PIBF1: variants seen among roughly 807,000 people sequenced by gnomAD.
The protein encoded by PIBF1 is progesterone immunomodulatory binding factor 1, also known as progesterone-induced-blocking factor 1.
A neutral mutation model predicts 112.5 loss-of-function variants in PIBF1; 90 were observed. The observed-to-expected ratio is 0.80, with a 90% CI of 0.67 to 0.95. The LOEUF is 0.95. PIBF1 is among the 40% of genes least tolerant of loss of function. The pLI, the probability that PIBF1 is intolerant of heterozygous loss-of-function variation, is 0.00. For synonymous variants in PIBF1, 301 were observed against 288.6 expected (o/e 1.04, Z -0.44); for missense variants, 915 against 852.3 (o/e 1.07, Z -0.92).
intron 10 of PIBF1, among the ~76,000 whole-genome samples, chr13:72,887,039 C>CTT (rs747807659): frequency 3.8e-5 from 5 of 130,750 alleles, no homozygotes; most frequent in East Asian, 4.5e-4. Flanking sequence ...TATAGTTTTT[C>CTT]TTTTTTTTTT....
chr13:72,905,658 T>C (rs1220549248), intron 11 of PIBF1, among the ~76,000 whole-genome samples: 2 of 152,154 alleles, frequency 1.3e-5, no homozygotes, highest in Admixed American at 1.3e-4. Flanking sequence ...CAGGTGATTC[T>C]CCCACACATC....
At chr13:72,923,187 C>G (rs921549142) in intron 13 of PIBF1, among the ~76,000 whole-genome samples, 1 of 152,162 alleles carries the variant, frequency 6.6e-6, no homozygotes. Context: ...CAGAACAGAG[C>G]GTCAATCCTC....
chr13:72,918,028 C>A (rs2041160851), intron 13 of PIBF1, among the ~76,000 whole-genome samples: 2 of 152,128 alleles, frequency 1.3e-5, no homozygotes, highest in African/African-American at 4.8e-5. Context: ...GAAAATTATA[C>A]CTACATTAAT....
At chr13:72,864,461 A>G (rs547333648) in intron 10 of PIBF1, among the ~76,000 whole-genome samples, 5 of 152,196 alleles carry the variant, frequency 3.3e-5, no homozygotes, top group African/African-American at 9.6e-5. Context: ...ATTTTTTAGG[A>G]TGTTTCTTAG....
At chr13:72,947,427 G>A (rs912175005) in intron 14 of PIBF1, among the ~76,000 whole-genome samples, 2 of 152,210 alleles carry the variant, frequency 1.3e-5, no homozygotes, top group Admixed American at 1.3e-4. Context: ...GGGCTGCTGT[G>A]AAGGTCTCTG....
At chr13:72,901,587 A>AG (rs1180847673) in intron 11 of PIBF1, among the ~76,000 whole-genome samples, 2 of 152,074 alleles carry the variant, frequency 1.3e-5, no homozygotes, top group African/African-American at 2.4e-5. Flanking sequence ...CGAGAGACTG[A>AG]GGCAGGAGAA....
At chr13:72,846,244 A>G (rs1302051089) in intron 9 of PIBF1, among the ~76,000 whole-genome samples, 1 of 152,130 alleles carries the variant, frequency 6.6e-6, no homozygotes, top group Non-Finnish European at 1.5e-5. Context: ...AGACAACTCT[A>G]TTCTTCCACT....
intron 10 of PIBF1, among the ~76,000 whole-genome samples, chr13:72,872,315 A>G (rs1473496427): frequency 6.6e-6 from 1 of 152,196 alleles, no homozygotes; most frequent in Non-Finnish European, 1.5e-5. Flanking sequence ...GATGATAGTG[A>G]TTTCATTATC....
At position 72,854,762 on chromosome 13, in the gene PIBF1, T is replaced by C. The variant is rs149405283; in HGVS notation, c.1322+607T>C. 8.5e-3 allele frequency among the ~76,000 whole-genome samples: 1,288 copies of C among 152,186 alleles called. 66 individuals are homozygous for C. The highest frequency in any genetic ancestry group is 9.6e-3 in the East Asian group (50 of 5,190). Reference sequence around the variant, plus strand: ...CATTGGGTAGATAAATGTTTTACTTTTAAAAAACCTGCCAATGGTAACACC... The same window carrying C: ...CATTGGGTAGATAAATGTTTTACTTCTAAAAAACCTGCCAATGGTAACACC... On this transcript the variant is annotated intron_variant, in intron 10 of 17. Transcript: ENST00000326291.
chr13:72,853,635 C>T (rs192085870), intron 9 of PIBF1, among the ~76,000 whole-genome samples: 18 of 152,226 alleles, frequency 1.2e-4, no homozygotes, highest in Admixed American at 7.2e-4. Context: ...TTCTCTTGCT[C>T]GTATCCCAAA....
At chr13:72,972,521 G>A (rs1433376800) in intron 15 of PIBF1, among the ~76,000 whole-genome samples, 4 of 152,006 alleles carry the variant, frequency 2.6e-5, no homozygotes, top group African/African-American at 4.8e-5. Context: ...AAAATTAGCC[G>A]GGCATGGTGG....
intron 11 of PIBF1, among the ~76,000 whole-genome samples, chr13:72,905,325 C>G (rs2040665412): frequency 1.3e-5 from 2 of 152,192 alleles, no homozygotes; most frequent in South Asian, 2.1e-4. Context: ...CTCAGCCTCC[C>G]AAAGTGCTGG....
rs554973220 is a variant in PIBF1, at chr13:72,986,674, A to G, written c.2050-12148A>G. 6.5e-3 allele frequency among the ~76,000 whole-genome samples: 855 copies of G among 132,092 alleles called. 42 individuals carry two copies. The highest frequency in any genetic ancestry group is 8.7e-3 in the East Asian group (40 of 4,618). 86.7% of individuals were successfully genotyped at this position (132,092 alleles called of 152,430 possible). The stretch of plus-strand genomic sequence containing the variant: ...GTATAGCTCCAAAAATGTTTCTGTC[A>G]TCTTTTTTTTTTTTTTTTTTTTTTT... On this transcript the variant is annotated intron_variant, in intron 16 of 17. Transcript: ENST00000326291.
At chr13:72,828,781 T>C (rs1166918484) in intron 8 of PIBF1, among the ~76,000 whole-genome samples, 1 of 152,220 alleles carries the variant, frequency 6.6e-6, no homozygotes. Flanking sequence ...TGATTTATAA[T>C]CCTTTGGATA....
intron 8 of PIBF1, 131 bp downstream of exon 8, chr13:72,828,045 CTTATT>C (rs71099757): frequency 1.1e-4 from 38 of 343,552 alleles, no homozygotes; most frequent in South Asian, 1.5e-4. Context: ...AAGATAATAC[CTTATT>C]TTATTTTATT....
chr13:72,864,978 C>A (rs2038861301), intron 10 of PIBF1, among the ~76,000 whole-genome samples: 1 of 152,004 alleles, frequency 6.6e-6, no homozygotes, highest in African/African-American at 2.4e-5. Flanking sequence ...AATTATACTT[C>A]AGTGGTGTAG....
At chr13:72,858,022 A>ATTGCT (rs141764023) in intron 10 of PIBF1, among the ~76,000 whole-genome samples, 5 of 139,962 alleles carry the variant, frequency 3.6e-5, no homozygotes, top group African/African-American at 5.3e-5. Flanking sequence ...ACAAATGTAC[A>ATTGCT]TTGTGTGTGT....
At chr13:72,930,397 C>G (rs1284297851) in intron 13 of PIBF1, among the ~76,000 whole-genome samples, 1 of 152,008 alleles carries the variant, frequency 6.6e-6, no homozygotes, top group Non-Finnish European at 1.5e-5. Flanking sequence ...ACTGGAAATG[C>G]AGAGAGGTTC....
chr13:72,904,439 T>C (rs916166007), intron 11 of PIBF1, among the ~76,000 whole-genome samples: 5 of 104,838 alleles, frequency 4.8e-5, no homozygotes, highest in African/African-American at 1.6e-4. Context: ...ATTTCTTTTT[T>C]TTTTTTTTTT....
Sources: allele counts gnomAD v4.1 joint callset (sites outside exome capture counted in the v4.1 genomes callset), GRCh38; gene constraint gnomAD v4.1.1; transcripts MANE v1.5; gene names NCBI Gene and HGNC (gene_info 2026-07-23, HGNC 2026-07-21).